GRAMD2B: variants seen among roughly 807,000 people sequenced by gnomAD.
GRAMD2B encodes the protein GRAM domain containing 2B.
Under a neutral mutation model 59.2 loss-of-function variants are expected in GRAMD2B, and 41 were observed. The observed-to-expected ratio is 0.69, with a 90% confidence interval of 0.54 to 0.90. GRAMD2B has a LOEUF of 0.90. GRAMD2B is among the 40% of genes least tolerant of loss of function. The pLI is 0.00. For missense variants in GRAMD2B, 424 were observed against 500.5 expected, an observed-to-expected ratio of 0.85 and a Z score of 1.46; for synonymous variants, 161 against 182.7, an observed-to-expected ratio of 0.88 and a Z score of 0.96.
chr5:126,423,131 G>T (rs528072345), upstream of GRAMD2B: 3 of 992,188 alleles, frequency 3.0e-6, no homozygotes, highest in East Asian at 3.4e-4. Flanking sequence ...CCACTCAGAC[G>T]TCTCCATTTC....
chr5:126,411,954 T>A (rs1758842041), intron 1 of GRAMD2B, among the ~76,000 whole-genome samples: 1 of 152,026 alleles, frequency 6.6e-6, no homozygotes, highest in South Asian at 2.1e-4. Context: ...TTTTGTACAT[T>A]GATTTTGTAT....
At chr5:126,366,150 G>T (rs181507514) in intron 1 of GRAMD2B, among the ~76,000 whole-genome samples, 13 of 152,312 alleles carry the variant, frequency 8.5e-5, no homozygotes, top group African/African-American at 3.1e-4. Flanking sequence ...CTTTGGGAGA[G>T]AAATCAACCC....
chr5:126,472,630 C>A (rs1387217849), intron 4 of GRAMD2B, among the ~76,000 whole-genome samples: 1 of 150,570 alleles, frequency 6.6e-6, no homozygotes, highest in African/African-American at 2.4e-5. Flanking sequence ...GCAAGAGAGG[C>A]CACTAGAAGA....
chr5:126,440,596 CA>C (rs11314219), intron 1 of GRAMD2B, among the ~76,000 whole-genome samples: 3,003 of 152,080 alleles, frequency 0.02, 89 homozygotes, highest in African/African-American at 0.063. Flanking sequence ...AGCCCCTGAT[CA>C]ATCAAGTATT....
At chr5:126,378,907 C>T (rs1245775031) in intron 1 of GRAMD2B, among the ~76,000 whole-genome samples, 1 of 152,080 alleles carries the variant, frequency 6.6e-6, no homozygotes, top group African/African-American at 2.4e-5. Context: ...ATATTTGACT[C>T]ACTTTTTTTA....
chr5:126,461,804 AAAAT>A, intron 1 of GRAMD2B, among the ~76,000 whole-genome samples: 1 of 152,334 alleles, frequency 6.6e-6, no homozygotes, highest in East Asian at 1.9e-4. Context: ...CCATCTCAAA[AAAAT>A]AAATAAATAA....
chr5:126,475,059 G>C (rs1770317221), intron 5 of GRAMD2B, among the ~76,000 whole-genome samples: 1 of 152,080 alleles, frequency 6.6e-6, no homozygotes, highest in East Asian at 1.9e-4. Context: ...CTCTACAACG[G>C]GAACTTTCCA....
intron 8 of GRAMD2B, among the ~76,000 whole-genome samples, chr5:126,481,214 AGAAAGAAAG>A (rs1771735398): frequency 1.6e-4 from 2 of 12,490 alleles, no homozygotes; most frequent in African/African-American, 5.2e-4. Context: ...AAAGAAAGAA[AGAAAGAAAG>A]AAAGAAAGAA....
intron 1 of GRAMD2B, among the ~76,000 whole-genome samples, chr5:126,380,287 C>T (rs924173190): frequency 2.0e-5 from 3 of 152,220 alleles, no homozygotes; most frequent in Middle Eastern, 3.4e-3. Flanking sequence ...TATACCAGTA[C>T]CATGCTGTTT....
In GRAMD2B at chr5:126,382,965, CA is replaced by C. The variant is rs554179840; in HGVS notation, c.125+11399del. The stretch of plus-strand genomic sequence containing the variant: ...GACTGCAGTGATTATTATTTCTCTT[CA>C]CGGATGTAGCCACTCAGCAGAGCTA... On this transcript the variant is annotated intron_variant, in intron 1 of 8. Coordinates refer to the GRAMD2B transcript ENST00000506445. Among the ~76,000 whole-genome samples the C allele has an allele frequency of 4.2e-3, 639 of 152,184 alleles. 3 individuals carry two copies. Among genetic ancestry groups the C allele is most frequent in the African/African-American group, 0.014 (596 of 41,520 alleles).
intron 12 of GRAMD2B, among the ~76,000 whole-genome samples, chr5:126,488,378 A>C (rs988653810): frequency 6.6e-6 from 1 of 152,232 alleles, no homozygotes. Context: ...CATTTGATTA[A>C]CTAGATAAGG....
At chr5:126,476,021 T>C (rs1770519051) in intron 5 of GRAMD2B, among the ~76,000 whole-genome samples, 2 of 151,994 alleles carry the variant, frequency 1.3e-5, no homozygotes, top group South Asian at 4.1e-4. Context: ...GGCAGGAGAA[T>C]CACTTGAACC....
intron 1 of GRAMD2B, among the ~76,000 whole-genome samples, chr5:126,402,025 T>C (rs1169497018): frequency 1.3e-5 from 2 of 152,070 alleles, no homozygotes; most frequent in Admixed American, 6.6e-5. Flanking sequence ...TGGTCATATA[T>C]AGCTGAGAGT....
Position 126,389,925 on chromosome 5 carries a change from G to A in GRAMD2B, c.125+18358G>A, listed in dbSNP as rs753763782. Among the ~76,000 whole-genome samples the A allele has an allele frequency of 3.9e-5, 6 of 152,070 alleles. No homozygotes were observed. The South Asian group carries it at 6.2e-4, about 16-fold the overall frequency. ...ATCATGCCACTGCACTCCAACCTGC[G>A]CAACAGAGTGAGACTCTGTCTCAAA... On this transcript the variant is annotated intron_variant, in intron 1 of 8. Coordinates refer to the GRAMD2B transcript ENST00000506445.
chr5:126,488,754 C>G, intron 12 of GRAMD2B, 45 bp from the exon 13 acceptor site: 1 of 1,355,574 alleles, frequency 7.4e-7, no homozygotes, highest in Non-Finnish European at 1.1e-6. Context: ...CCACTTCTTT[C>G]CTTGTCATCC....
chr5:126,384,287 T>G (rs1755918237), intron 1 of GRAMD2B, among the ~76,000 whole-genome samples: 1 of 152,178 alleles, frequency 6.6e-6, no homozygotes, highest in African/African-American at 2.4e-5. Context: ...ACATGCAGTT[T>G]GAAAATTAAA....
chr5:126,432,310 T>G (rs1761701955), intron 1 of GRAMD2B, among the ~76,000 whole-genome samples: 1 of 152,222 alleles, frequency 6.6e-6, no homozygotes. Flanking sequence ...ATACCCATAT[T>G]TGTTGTCTTT....
chr5:126,399,203 C>A (rs1247127972), intron 1 of GRAMD2B, among the ~76,000 whole-genome samples: 2 of 152,076 alleles, frequency 1.3e-5, no homozygotes, highest in Non-Finnish European at 2.9e-5. Flanking sequence ...ATTGAGGTAT[C>A]CTACTATTAT....
At chr5:126,363,976 T>C (rs950661587) in intron 1 of GRAMD2B, among the ~76,000 whole-genome samples, 5 of 152,204 alleles carry the variant, frequency 3.3e-5, no homozygotes, top group African/African-American at 1.2e-4. Context: ...CTTTGTATTA[T>C]GTAAATTATA....
Sources: allele counts gnomAD v4.1 joint callset (sites outside exome capture counted in the v4.1 genomes callset), GRCh38; gene constraint gnomAD v4.1.1; transcripts MANE v1.5; gene names NCBI Gene and HGNC (gene_info 2026-07-23, HGNC 2026-07-21).